The following SPAG9 variants were observed in gnomAD, a reference collection of about 807,000 sequenced individuals.
SPAG9 encodes C-Jun-amino-terminal kinase-interacting protein 4.
Under a neutral mutation model 166.5 loss-of-function variants are expected in SPAG9, and 35 were observed. That is an observed-to-expected ratio of 0.21 (90% CI 0.16 to 0.28). The LOEUF is 0.28. SPAG9 is among the 10% of genes least tolerant of loss of function. The pLI is 1.00. For missense variants in SPAG9, 1,235 were observed against 1,603.3 expected (o/e 0.77, Z 3.92); for synonymous variants, 534 against 565.5 (o/e 0.94, Z 0.79).
intron 13 of SPAG9, among the ~76,000 whole-genome samples, chr17:51,000,500 G>A (rs556436139): frequency 2.0e-5 from 3 of 152,200 alleles, no homozygotes; most frequent in East Asian, 1.9e-4. Context: ...TTGGGAGGCC[G>A]AGGCGGGCGG....
chr17:51,030,947 C>A (rs1232963599), intron 6 of SPAG9: 1 of 142,036 alleles, frequency 7.0e-6, no homozygotes, highest in Non-Finnish European at 1.5e-5. Context: ...TGGAGTCTCG[C>A]TGTGTTGCCC....
At chr17:51,112,844 G>A (rs1312116593) in intron 1 of SPAG9, among the ~76,000 whole-genome samples, 4 of 150,410 alleles carry the variant, frequency 2.7e-5, no homozygotes, top group Non-Finnish European at 4.4e-5. Context: ...GCATGGTGGC[G>A]CATGCCTGTA....
At position 51,096,713 on chromosome 17, in the gene SPAG9, G is replaced by A. The variant is rs9908849; in HGVS notation, c.304-17009C>T. The stretch of plus-strand genomic sequence containing the variant: ...CGATGGAATACACAGCAGTTAAAAG[G>A]AAAGAATTAGATGCATATGTATATC... On this transcript the variant is annotated intron_variant, in intron 1 of 29. Coordinates refer to ENST00000262013, the MANE Select transcript of SPAG9 (RefSeq NM_001130528.3). 5.9e-3 allele frequency among the ~76,000 whole-genome samples: 905 copies of A among 152,126 alleles called. 5 individuals carry two copies. Among genetic ancestry groups the A allele is most frequent in the African/African-American group, 0.021 (856 of 41,488 alleles).
chr17:51,119,017 G>T (rs2049385992), intron 1 of SPAG9, among the ~76,000 whole-genome samples: 1 of 132,398 alleles, frequency 7.6e-6, no homozygotes, highest in Non-Finnish European at 1.6e-5. Flanking sequence ...CTGGGCGACA[G>T]AGTGAGACTA....
rs1353782028 is a variant in SPAG9, at chr17:51,120,308, C to T, written c.303+46G>A. 2.1e-6 allele frequency: 3 copies of T among 1,456,272 alleles called. No homozygotes were observed. Among genetic ancestry groups the T allele is most frequent in the Non-Finnish European group, 2.7e-6 (3 of 1,104,454 alleles). The allele number at this position is 1,456,272 out of a possible 1,614,324, so 90.2% of individuals were successfully genotyped here. On this transcript the variant is annotated intron_variant, in intron 1 of 29. Coordinates refer to ENST00000262013, the MANE Select transcript of SPAG9 (RefSeq NM_001130528.3). This position sits in a 1 kb window ranked among gnomAD's most constrained non-coding sequence, Gnocchi z 4.7. ...CCGGGCCGCGACCCCGCCCCGGCCG[C>T]CCCCGGAGACGGATCCCGCGGCCCC...
intron 2 of SPAG9, among the ~76,000 whole-genome samples, chr17:51,071,354 A>G (rs2047815220): frequency 6.6e-6 from 1 of 152,192 alleles, no homozygotes; most frequent in African/African-American, 2.4e-5. Flanking sequence ...ACACACTTGA[A>G]AAGCACCAAG....
intron 27 of SPAG9, 101 bp from the exon 28 acceptor site, chr17:50,975,048 G>T: frequency 8.9e-7 from 1 of 1,127,044 alleles, no homozygotes; most frequent in Non-Finnish European, 1.2e-6. Flanking sequence ...AAAAGCTACA[G>T]CCAGTTGAGA....
intron 2 of SPAG9, among the ~76,000 whole-genome samples, chr17:51,071,443 G>A (rs2047817350): frequency 6.6e-6 from 1 of 152,010 alleles, no homozygotes; most frequent in Admixed American, 6.6e-5. Context: ...GATATTAACA[G>A]GACGTATTAT....
At chr17:51,107,279 T>C (rs1417128171) in intron 1 of SPAG9, among the ~76,000 whole-genome samples, 2 of 152,018 alleles carry the variant, frequency 1.3e-5, no homozygotes, top group African/African-American at 4.8e-5. Context: ...CCGGATGCAG[T>C]GGCTCACACC....
At chr17:51,092,751 C>CAAAAAAAAA (rs200338786) in intron 1 of SPAG9, among the ~76,000 whole-genome samples, 1 of 54,168 alleles carries the variant, frequency 1.8e-5, no homozygotes. Flanking sequence ...CTTGTCTCTA[C>CAAAAAAAAA]AAAAAAAAAA....
At chr17:51,033,957 AT>A (rs2046482583) in intron 5 of SPAG9, among the ~76,000 whole-genome samples, 1 of 152,214 alleles carries the variant, frequency 6.6e-6, no homozygotes, top group Non-Finnish European at 1.5e-5. Flanking sequence ...AGTGCTGCTT[AT>A]TTACATCTTT....
intron 29 of SPAG9, among the ~76,000 whole-genome samples, chr17:50,967,173 A>C (rs1266029853): frequency 6.6e-6 from 1 of 152,198 alleles, no homozygotes; most frequent in East Asian, 1.9e-4. Context: ...TTCTCGATAC[A>C]AGCTTGCATC....
chr17:50,980,349 C>T (rs1156698708), intron 25 of SPAG9, among the ~76,000 whole-genome samples: 2 of 151,964 alleles, frequency 1.3e-5, no homozygotes, highest in East Asian at 2.0e-4. Flanking sequence ...GGATTATAGG[C>T]GCACACCACC....
intron 1 of SPAG9, among the ~76,000 whole-genome samples, chr17:51,097,684 G>A (rs1008299714): frequency 3.9e-5 from 6 of 152,094 alleles, no homozygotes; most frequent in Non-Finnish European, 8.8e-5. Flanking sequence ...CTCAAACTGT[G>A]GGATGTGACA....
At chr17:51,034,476 G>A (rs913331800) in intron 5 of SPAG9, among the ~76,000 whole-genome samples, 3 of 152,134 alleles carry the variant, frequency 2.0e-5, no homozygotes, top group Non-Finnish European at 4.4e-5. Flanking sequence ...AAAGGATGGG[G>A]TATGTCAAAA....
At chr17:51,028,594 T>A (rs977096756) in intron 6 of SPAG9, among the ~76,000 whole-genome samples, 1 of 152,208 alleles carries the variant, frequency 6.6e-6, no homozygotes, top group Non-Finnish European at 1.5e-5. Flanking sequence ...AGGTGTGTAG[T>A]AAGCTATACT....
intron 2 of SPAG9, among the ~76,000 whole-genome samples, chr17:51,057,239 T>TC (rs2047386720): frequency 6.8e-6 from 1 of 147,202 alleles, no homozygotes; most frequent in Admixed American, 6.7e-5. Flanking sequence ...AGGCAGAGGG[T>TC]GGTGGTGAGG....
At chr17:51,035,886 T>A (rs1315436629) in intron 5 of SPAG9, among the ~76,000 whole-genome samples, 1 of 152,236 alleles carries the variant, frequency 6.6e-6, no homozygotes, top group Non-Finnish European at 1.5e-5. Flanking sequence ...TGTATACACA[T>A]GCATACATGT....
intron 1 of SPAG9, among the ~76,000 whole-genome samples, chr17:51,097,275 T>C (rs997612198): frequency 1.3e-5 from 2 of 152,182 alleles, no homozygotes; most frequent in Admixed American, 1.3e-4. Flanking sequence ...CATAACTGTT[T>C]CCCCAGGTTC....
Sources: allele counts gnomAD v4.1 joint callset (sites outside exome capture counted in the v4.1 genomes callset), GRCh38; gene constraint gnomAD v4.1.1; non-coding constraint Gnocchi (gnomAD v3.1); transcripts MANE v1.5; gene names NCBI Gene and HGNC (gene_info 2026-07-23, HGNC 2026-07-21).